Variants in KCNN2 observed in about 807,000 individuals in gnomAD.
KCNN2 encodes the protein small conductance calcium-activated potassium channel protein 2.
KCNN2 carries 24 observed loss-of-function variants against 55.5 expected under a neutral mutation model. That is an observed-to-expected ratio of 0.43 (90% confidence interval 0.31 to 0.61). The LOEUF (loss-of-function observed/expected upper bound fraction) is 0.61, where lower values mean the gene tolerates loss of function less well. Ranked by LOEUF, KCNN2 falls within the 20% of genes least tolerant of loss-of-function variation. The pLI is 0.08. For synonymous variants in KCNN2, 431 were observed against 336.1 expected (o/e 1.28, Z -3.09); for missense variants, 754 against 853.6 (o/e 0.88, Z 1.45).
chr5:114,190,517 A>G (rs1753428067), intron 1 of KCNN2, among the ~76,000 whole-genome samples: 1 of 152,178 alleles, frequency 6.6e-6, no homozygotes, highest in South Asian at 2.1e-4. Flanking sequence ...CACAAAAACT[A>G]GTATATTGTT....
At chr5:114,158,984 A>G (rs951416376) in intron 1 of KCNN2, among the ~76,000 whole-genome samples, 1 of 152,168 alleles carries the variant, frequency 6.6e-6, no homozygotes, top group African/African-American at 2.4e-5. Context: ...TCCTAATTGA[A>G]TACCCTTTAT....
chr5:114,086,270 C>A (rs572130939), intron 1 of KCNN2, among the ~76,000 whole-genome samples: 2 of 151,868 alleles, frequency 1.3e-5, no homozygotes, highest in African/African-American at 4.8e-5. Context: ...TTTATTTACT[C>A]ATTTATTCTG....
upstream of KCNN2, among the ~76,000 whole-genome samples, chr5:114,358,506 A>G (rs1004764668): frequency 6.6e-6 from 1 of 152,226 alleles, no homozygotes. Flanking sequence ...AATTGATTAG[A>G]TTTGAAATAC....
chr5:114,460,069 C>T (rs553317284), intron 3 of KCNN2, among the ~76,000 whole-genome samples: 15 of 152,252 alleles, frequency 9.9e-5, no homozygotes, highest in African/African-American at 3.1e-4. Context: ...GCTGCAGGAG[C>T]AGGAGATTAG....
At chr5:114,260,328 A>T (rs138117834) in intron 2 of KCNN2, among the ~76,000 whole-genome samples, 95 of 152,276 alleles carry the variant, frequency 6.2e-4, no homozygotes, top group African/African-American at 2.0e-3. Context: ...GTCTTTGCTT[A>T]CCTCTGTGAC....
At chr5:114,347,572 T>C (rs1422408915) in intron 2 of KCNN2, among the ~76,000 whole-genome samples, 1 of 152,220 alleles carries the variant, frequency 6.6e-6, no homozygotes, top group Non-Finnish European at 1.5e-5. Flanking sequence ...ATCAATCTTA[T>C]TTCAGTGGTT....
intron 1 of KCNN2, among the ~76,000 whole-genome samples, chr5:114,065,622 T>A (rs1345922111): frequency 6.6e-6 from 1 of 152,202 alleles, no homozygotes; most frequent in Non-Finnish European, 1.5e-5. Flanking sequence ...CTTCTGATAA[T>A]CACACCAAAC....
At chr5:114,217,327 T>C (rs1754027027) in intron 1 of KCNN2, among the ~76,000 whole-genome samples, 1 of 152,098 alleles carries the variant, frequency 6.6e-6, no homozygotes, top group Non-Finnish European at 1.5e-5. Flanking sequence ...GTTGGAAGAC[T>C]GACACCACCT....
At chr5:114,399,054 C>G (rs1237980538) in intron 2 of KCNN2, among the ~76,000 whole-genome samples, 1 of 152,156 alleles carries the variant, frequency 6.6e-6, no homozygotes, top group Admixed American at 6.5e-5. Flanking sequence ...TACATGATCG[C>G]TCTAGCTAAG....
chr5:114,216,826 A>C (rs1287053559), intron 1 of KCNN2, among the ~76,000 whole-genome samples: 2 of 152,094 alleles, frequency 1.3e-5, no homozygotes, highest in African/African-American at 4.8e-5. Context: ...CAGAAATAAT[A>C]CTGTCTTTGT....
In KCNN2 at chr5:114,283,969, T is replaced by G. The variant is rs542084964; in HGVS notation, c.-185+62404T>G. 3.9e-5 allele frequency among the ~76,000 whole-genome samples: 6 copies of G among 152,314 alleles called. No individual in the cohort carries two copies. The East Asian group carries it at 1.2e-3, about 29-fold the overall frequency. ...GAGGTCAGCTTGCCTTCAAGCCATTTCCACAAGAATAGGCACTTTGGCCAG... is the reference window on the plus strand; with the variant it reads ...GAGGTCAGCTTGCCTTCAAGCCATTGCCACAAGAATAGGCACTTTGGCCAG... On this transcript the variant is annotated intron_variant, in intron 2 of 10. Transcript: ENST00000512097.
intron 1 of KCNN2, among the ~76,000 whole-genome samples, chr5:114,187,058 T>C (rs1753348090): frequency 6.6e-6 from 1 of 152,230 alleles, no homozygotes; most frequent in Non-Finnish European, 1.5e-5. Flanking sequence ...AGGTTTACTT[T>C]AGAAACGTAA....
At chr5:114,322,948 T>A (rs1184335272) in intron 2 of KCNN2, among the ~76,000 whole-genome samples, 1 of 152,234 alleles carries the variant, frequency 6.6e-6, no homozygotes, top group African/African-American at 2.4e-5. Context: ...TTTCTGCTCC[T>A]GTCCTCTTCC....
upstream of KCNN2, among the ~76,000 whole-genome samples, chr5:114,357,972 AC>A (rs1350296738): frequency 1.3e-5 from 2 of 150,072 alleles, no homozygotes; most frequent in Admixed American, 6.6e-5. Context: ...TTGTTTCCTG[AC>A]TTTTTAATGA....
intron 1 of KCNN2, among the ~76,000 whole-genome samples, chr5:114,145,556 A>C (rs1752379949): frequency 6.6e-6 from 1 of 152,156 alleles, no homozygotes. Flanking sequence ...AATGAGAGAT[A>C]TCCATTAGTG....
At chr5:114,075,369 G>A (rs962859075) in intron 1 of KCNN2, among the ~76,000 whole-genome samples, 2 of 152,122 alleles carry the variant, frequency 1.3e-5, no homozygotes, top group African/African-American at 4.8e-5. Context: ...ATTTTGGAAG[G>A]AATCCGAAAG....
intron 2 of KCNN2, among the ~76,000 whole-genome samples, chr5:114,237,720 C>T (rs2112611287): frequency 6.6e-6 from 1 of 152,228 alleles, no homozygotes; most frequent in South Asian, 2.1e-4. Context: ...TATGATTATG[C>T]ATTGTATTAT....
intron 3 of KCNN2, among the ~76,000 whole-genome samples, chr5:114,429,359 T>TA (rs1170809185): frequency 6.6e-6 from 1 of 152,084 alleles, no homozygotes; most frequent in Non-Finnish European, 1.5e-5. Flanking sequence ...ATGTATGTAG[T>TA]GGTATTTCAT....
upstream of KCNN2, among the ~76,000 whole-genome samples, chr5:114,358,221 G>T (rs1434709612): frequency 6.6e-6 from 1 of 151,894 alleles, no homozygotes; most frequent in Admixed American, 6.5e-5. Context: ...TCTGACAAAG[G>T]GCTAATATCC....
Sources: allele counts gnomAD v4.1 joint callset (sites outside exome capture counted in the v4.1 genomes callset), GRCh38; gene constraint gnomAD v4.1.1; transcripts MANE v1.5; gene names NCBI Gene and HGNC (gene_info 2026-07-23, HGNC 2026-07-21).